The following PGM1 variants were observed in gnomAD, a reference collection of about 807,000 sequenced individuals.
The protein encoded by PGM1 is phosphoglucomutase 1, also known as phosphoglucomutase-1.
A neutral mutation model predicts 55.6 loss-of-function variants in PGM1; 52 were observed. The observed-to-expected ratio is 0.94, with a 90% confidence interval of 0.75 to 1.18. The LOEUF is 1.18. PGM1 is among the 50% of genes most tolerant of loss of function. The probability of loss-of-function intolerance (pLI) is 0.00; values close to 1 mark genes in which losing one functional copy is unlikely to be tolerated. For synonymous variants in PGM1, 287 were observed against 271.7 expected (o/e 1.06, Z -0.55); for missense variants, 724 against 729.3 (o/e 0.99, Z 0.08).
chr1:63,632,900 G>GT (rs1249245634), intron 4 of PGM1, among the ~76,000 whole-genome samples: 7 of 152,160 alleles, frequency 4.6e-5, no homozygotes, highest in African/African-American at 1.7e-4. Context: ...GCACATGCCT[G>GT]TAATCGCAGC....
Position 63,634,899 on chromosome 1 carries a change from C to T in PGM1, c.753C>T (p.Cys251=), listed in dbSNP as rs754047341. 13 of 1,613,686 alleles carry T rather than the reference C, an allele frequency of 8.1e-6. No individual in the cohort carries two copies. The highest frequency in any genetic ancestry group is 3.3e-5 in the South Asian group (3 of 91,076). Residue 251 remains cysteine (C), a synonymous_variant, in exon 5 of 11, where the codon TGC becomes TGT. Coordinates refer to ENST00000371084, the MANE Select transcript of PGM1 (RefSeq NM_002633.3). The part of the protein sequence containing the change: ...LGAPANSAVN[C]VPLEDFGGHH... ...CCCCTGCGAACTCGGCAGTTAACTG[C>T]GTTCCTCTGGAGGACTTTGGAGGCC...
intron 4 of PGM1, among the ~76,000 whole-genome samples, chr1:63,632,206 G>A (rs187027458): frequency 2.3e-3 from 344 of 152,174 alleles, no homozygotes; most frequent in Non-Finnish European, 4.2e-3. Context: ...TTAGAAGAGG[G>A]CAAGAGCAAG....
intron 8 of PGM1, among the ~76,000 whole-genome samples, chr1:63,650,309 G>A (rs1649772832): frequency 6.6e-6 from 1 of 152,126 alleles, no homozygotes; most frequent in East Asian, 1.9e-4. Context: ...AGCCAATAGA[G>A]GCTGGATTCA....
At position 63,611,479 on chromosome 1, in the gene PGM1, AC is replaced by A. The variant is rs959308723; in HGVS notation, c.246+17749del. Among the ~76,000 whole-genome samples the A allele has an allele frequency of 3.3e-5, 5 of 152,110 alleles. 1 individual carries two copies. The highest frequency in any genetic ancestry group is 7.4e-5 in the Non-Finnish European group (5 of 68,018). On this transcript the variant is annotated intron_variant, in intron 1 of 10. Coordinates refer to ENST00000371084, the MANE Select transcript of PGM1 (RefSeq NM_002633.3). The stretch of plus-strand genomic sequence containing the variant: ...ACCCCTGAGGTCACACAGGTCCTTA[AC>A]CCCTGAGGCTTTCTTTTATACACAG...
At chr1:63,612,640 C>A (rs1393718855) in intron 1 of PGM1, among the ~76,000 whole-genome samples, 2 of 152,204 alleles carry the variant, frequency 1.3e-5, no homozygotes, top group Non-Finnish European at 2.9e-5. Context: ...CTTCATCACT[C>A]TGCCTGCAGT....
intron 1 of PGM1, among the ~76,000 whole-genome samples, chr1:63,612,918 C>T (rs983495985): frequency 2.6e-5 from 4 of 152,162 alleles, no homozygotes; most frequent in Admixed American, 2.6e-4. Flanking sequence ...CCTGAAAACT[C>T]GCCTCCTTGC....
intron 4 of PGM1, among the ~76,000 whole-genome samples, chr1:63,633,898 GTGTGTGTGTGTGTGTGTGTGTA>G (rs1329155940): frequency 4.2e-5 from 2 of 48,080 alleles, no homozygotes; most frequent in African/African-American, 1.2e-4. Flanking sequence ...GTGTGTGTGT[GTGTGTGTGTGTGTGTGTGTGTA>G]TATATATATA....
At chr1:63,622,873 C>T (rs1648919018) in intron 1 of PGM1, among the ~76,000 whole-genome samples, 1 of 152,200 alleles carries the variant, frequency 6.6e-6, no homozygotes, top group African/African-American at 2.4e-5. Flanking sequence ...TAAGCTCCCT[C>T]ACTTCCATTT....
At chr1:63,659,537 C>T in intron 10 of PGM1, 49 bp from the exon 11 acceptor site, 1 of 1,455,438 alleles carries the variant, frequency 6.9e-7, no homozygotes, top group Non-Finnish European at 9.7e-7. Context: ...AGCTAAGCAT[C>T]TGTGTTTAGA....
chr1:63,617,504 C>T (rs1322293586), intron 1 of PGM1, among the ~76,000 whole-genome samples: 1 of 151,784 alleles, frequency 6.6e-6, no homozygotes, highest in African/African-American at 2.4e-5. Context: ...ATGAGGAGTT[C>T]GAGACCAGCC....
At position 63,606,847 on chromosome 1, in the gene PGM1, A is replaced by C. The variant is rs1262678614; in HGVS notation, c.246+13113A>C. On this transcript the variant is annotated intron_variant, in intron 1 of 10. Transcript: ENST00000371084. Reference sequence around the variant, plus strand: ...GTGTTACAGAGAGAAGACAGAACTTAATTTTATATGGGCAGCTAGATTTTT... The same window carrying C: ...GTGTTACAGAGAGAAGACAGAACTTCATTTTATATGGGCAGCTAGATTTTT... Among the ~76,000 whole-genome samples, 4 of 152,174 alleles carry C rather than the reference A, an allele frequency of 2.6e-5. 1 individual carries two copies. Among genetic ancestry groups the C allele is most frequent in the South Asian group, 4.1e-4 (2 of 4,822 alleles).
chr1:63,614,352 T>A (rs1333595382), intron 1 of PGM1, among the ~76,000 whole-genome samples: 1 of 152,204 alleles, frequency 6.6e-6, no homozygotes, highest in Non-Finnish European at 1.5e-5. Flanking sequence ...GTTCCTAAAC[T>A]TTTTAAGGAA....
chr1:63,646,679 C>T (rs1052180785), intron 7 of PGM1, among the ~76,000 whole-genome samples: 1 of 152,184 alleles, frequency 6.6e-6, no homozygotes, highest in East Asian at 1.9e-4. Flanking sequence ...ATTCTCCTGG[C>T]ACTGGCTGTT....
At chr1:63,626,929 A>G (rs1649033012) in intron 1 of PGM1, among the ~76,000 whole-genome samples, 1 of 151,766 alleles carries the variant, frequency 6.6e-6, no homozygotes, top group African/African-American at 2.4e-5. Flanking sequence ...TATGGTGTTG[A>G]CTTCTTTAAA....
At chr1:63,598,942 C>T (rs1648158211) in intron 1 of PGM1, among the ~76,000 whole-genome samples, 1 of 152,214 alleles carries the variant, frequency 6.6e-6, no homozygotes. Context: ...AAGTGAACCA[C>T]CCTTTTCTGA....
At chr1:63,623,667 T>A (rs1648945419) in intron 1 of PGM1, 12 of 1,612,048 alleles carry the variant, frequency 7.4e-6, no homozygotes, top group African/African-American at 1.3e-5. Context: ...ACCTAAAAGA[T>A]CGCCAGGGAT....
At chr1:63,633,866 C>CTGTGTGTGTGTGTGTG (rs58094821) in intron 4 of PGM1, among the ~76,000 whole-genome samples, 1 of 73,398 alleles carries the variant, frequency 1.4e-5, no homozygotes, top group Non-Finnish European at 2.5e-5. Flanking sequence ...GTCTGTGTCT[C>CTGTGTGTGTGTGTGTG]TGTGTGTGTG....
chr1:63,601,441 C>T (rs1027181262), intron 1 of PGM1, among the ~76,000 whole-genome samples: 11 of 152,210 alleles, frequency 7.2e-5, no homozygotes, highest in African/African-American at 2.7e-4. Context: ...GAGTGAGCTA[C>T]ACTTCTAAGA....
chr1:63,654,396 C>G lies in PGM1; in HGVS notation c.1529C>G (p.Ala510Gly). 2 of 1,613,926 alleles carry G rather than the reference C, an allele frequency of 1.2e-6. No individual in the cohort carries two copies. Residue 510 changes from alanine (A) to glycine (G), a missense_variant, in exon 10 of 11, where the codon GCC becomes GGC. By Grantham distance (60) the Ala-to-Gly change is moderately conservative (BLOSUM62 0). This residue lies in a region of PGM1 where 316 missense variants were observed against 313.1 expected (regional missense o/e 1.01). Coordinates refer to ENST00000371084, the MANE Select transcript of PGM1 (RefSeq NM_002633.3). The part of the protein sequence containing the change: ...IVFRLSGTGS[A>G]GATIRLYIDS... ...TTCCGACTGAGCGGCACTGGGAGTG[C>G]CGGGGCCACCATTCGGCTGTACATC...
Sources: allele counts gnomAD v4.1 joint callset (sites outside exome capture counted in the v4.1 genomes callset), GRCh38; gene constraint gnomAD v4.1.1; regional missense constraint gnomAD v4.1.1; transcripts MANE v1.5; gene names NCBI Gene and HGNC (gene_info 2026-07-23, HGNC 2026-07-21).